HDAC9: variants seen among roughly 807,000 people sequenced by gnomAD.
HDAC9 encodes the protein MEF-2 interacting transcription repressor (MITR) protein.
In HDAC9, 41 loss-of-function variants were observed where a neutral mutation model predicts 139.4. The observed-to-expected ratio is 0.29, with a 90% CI of 0.23 to 0.38. The LOEUF is 0.38. HDAC9 is among the 10% of genes least tolerant of loss of function. HDAC9 has a pLI of 1.00. For synonymous variants in HDAC9, 517 were observed against 476.2 expected (o/e 1.09, Z -1.12); for missense variants, 1,147 against 1,297.0 (o/e 0.88, Z 1.78).
At chr7:18,339,498 AAG>A (rs1781836159) in intron 1 of HDAC9, among the ~76,000 whole-genome samples, 1 of 151,492 alleles carries the variant, frequency 6.6e-6, no homozygotes. Context: ...AAAATTAAAA[AAG>A]AATGTACTAT....
intron 2 of HDAC9, among the ~76,000 whole-genome samples, chr7:18,186,631 C>T (rs1789938389): frequency 6.6e-6 from 1 of 152,208 alleles, no homozygotes; most frequent in Non-Finnish European, 1.5e-5. Context: ...AATTTGTGGT[C>T]AGAAGACCTT....
chr7:18,940,301 T>C (rs1484192370), intron 23 of HDAC9, among the ~76,000 whole-genome samples: 1 of 152,184 alleles, frequency 6.6e-6, no homozygotes, highest in Non-Finnish European at 1.5e-5. Flanking sequence ...GCAAAACATC[T>C]CTTAACTATT....
chr7:18,733,994 C>A (rs952966326), intron 13 of HDAC9, among the ~76,000 whole-genome samples: 2 of 152,116 alleles, frequency 1.3e-5, no homozygotes, highest in Non-Finnish European at 2.9e-5. Flanking sequence ...TATCAATGCA[C>A]AAATTTTTTT....
intron 1 of HDAC9, among the ~76,000 whole-genome samples, chr7:18,439,420 A>G (rs1262789783): frequency 6.6e-6 from 1 of 152,226 alleles, no homozygotes; most frequent in Non-Finnish European, 1.5e-5. Context: ...CTGTCTGGCT[A>G]TCAGTCTTGT....
chr7:18,635,289 T>C (rs1783549594), intron 8 of HDAC9, among the ~76,000 whole-genome samples: 2 of 151,942 alleles, frequency 1.3e-5, no homozygotes. Flanking sequence ...GAAAAATAAT[T>C]GCAGTATTAT....
intron 2 of HDAC9, among the ~76,000 whole-genome samples, chr7:18,273,689 G>T (rs1436560258): frequency 6.6e-6 from 1 of 152,080 alleles, no homozygotes; most frequent in African/African-American, 2.4e-5. Context: ...CTCAAAGGAA[G>T]GGATTATAAT....
intron 1 of HDAC9, among the ~76,000 whole-genome samples, chr7:18,408,748 A>G (rs767079976): frequency 2.6e-5 from 4 of 152,132 alleles, no homozygotes; most frequent in Admixed American, 2.0e-4. Context: ...TAGTTTTTTT[A>G]TGTTGTGGGT....
At chr7:18,132,356 C>A (rs925670287) in intron 1 of HDAC9, among the ~76,000 whole-genome samples, 5 of 152,100 alleles carry the variant, frequency 3.3e-5, no homozygotes, top group African/African-American at 1.2e-4. Flanking sequence ...TTTGTCATAT[C>A]TGAATATATT....
intron 1 of HDAC9, among the ~76,000 whole-genome samples, chr7:18,133,040 ATG>A (rs1385685975): frequency 6.6e-6 from 1 of 152,158 alleles, no homozygotes; most frequent in African/African-American, 2.4e-5. Context: ...ACTGCTCACC[ATG>A]GAAACAGCTG....
intron 1 of HDAC9, among the ~76,000 whole-genome samples, chr7:18,133,420 G>A (rs1785156473): frequency 6.6e-6 from 1 of 152,048 alleles, no homozygotes; most frequent in Non-Finnish European, 1.5e-5. Flanking sequence ...AAATATCCAT[G>A]ACTTGAAACT....
At chr7:18,292,336 G>A (rs983446859) in intron 1 of HDAC9, among the ~76,000 whole-genome samples, 4 of 152,100 alleles carry the variant, frequency 2.6e-5, no homozygotes, top group African/African-American at 9.7e-5. Flanking sequence ...TTCTTAGAGC[G>A]TTTGTCCACA....
At chr7:18,100,681 A>ATT (rs1406767851) in intron 1 of HDAC9, among the ~76,000 whole-genome samples, 3 of 152,276 alleles carry the variant, frequency 2.0e-5, no homozygotes, top group Admixed American at 6.5e-5. Context: ...AACTGTTTTA[A>ATT]TGACCTTGTT....
chr7:18,571,623 A>AT (rs1041802553), intron 2 of HDAC9, among the ~76,000 whole-genome samples: 4 of 150,678 alleles, frequency 2.7e-5, no homozygotes, highest in African/African-American at 9.9e-5. Flanking sequence ...TTTATTTTTT[A>AT]TTTTTTATTT....
At chr7:18,905,058 C>T (rs576432635) in intron 22 of HDAC9, among the ~76,000 whole-genome samples, 1 of 152,072 alleles carries the variant, frequency 6.6e-6, no homozygotes, top group South Asian at 2.1e-4. Context: ...GCCACCATGC[C>T]AGGCTAATTT....
chr7:18,555,303 CCTGATACTCAAAAGT>C (rs1244613637), intron 2 of HDAC9, among the ~76,000 whole-genome samples: 5 of 152,104 alleles, frequency 3.3e-5, no homozygotes, highest in Non-Finnish European at 7.4e-5. Flanking sequence ...ATAGAAAAAG[CCTGATACTCAAAAGT>C]CTGCATTTCA....
chr7:18,096,696 G>A (rs1782524500), intron 1 of HDAC9, among the ~76,000 whole-genome samples: 1 of 152,176 alleles, frequency 6.6e-6, no homozygotes, highest in Admixed American at 6.5e-5. Flanking sequence ...ATTTGTTATA[G>A]TTGGTGACCA....
intron 5 of HDAC9, 25 bp downstream of exon 5, chr7:18,591,667 C>T (rs762286193): frequency 1.2e-6 from 2 of 1,610,396 alleles, no homozygotes; most frequent in Non-Finnish European, 1.7e-6. Flanking sequence ...TGGCTGTTTT[C>T]ATTCCTGGGG....
chr7:18,638,851 T>G (rs1363519647), intron 8 of HDAC9, among the ~76,000 whole-genome samples: 3 of 152,062 alleles, frequency 2.0e-5, no homozygotes, highest in Non-Finnish European at 4.4e-5. Context: ...TAAACTTGGT[T>G]GGGGAGCTGA....
intron 12 of HDAC9, among the ~76,000 whole-genome samples, chr7:18,691,887 C>T (rs1782700123): frequency 6.6e-6 from 1 of 151,966 alleles, no homozygotes; most frequent in African/African-American, 2.4e-5. Context: ...CCAGAGAAGT[C>T]ACTAAAGAGT....
Sources: allele counts gnomAD v4.1 joint callset (sites outside exome capture counted in the v4.1 genomes callset), GRCh38; gene constraint gnomAD v4.1.1; transcripts MANE v1.5; gene names NCBI Gene and HGNC (gene_info 2026-07-23, HGNC 2026-07-21).